Variants in DENND4A observed in about 807,000 individuals in gnomAD.
DENND4A encodes the protein DENN domain containing 4A.
Under a neutral mutation model 199.3 loss-of-function variants are expected in DENND4A, and 70 were observed. The ratio of observed to expected loss-of-function variants is 0.35; its 90% CI spans 0.29 to 0.43. The LOEUF (loss-of-function observed/expected upper bound fraction) is 0.43, where lower values mean the gene tolerates loss of function less well. Among genes scored for constraint, DENND4A ranks in the 20% least tolerant of loss-of-function variants. The pLI is 1.00. For missense variants in DENND4A, 1,723 were observed against 2,255.8 expected (o/e 0.76, Z 4.78); for synonymous variants, 686 against 766.9 (o/e 0.89, Z 1.74).
rs942989875 is a variant in DENND4A at position 65,701,910 on chromosome 15, T to C, written c.2431-20A>G. On this transcript the variant is annotated intron_variant, in intron 17 of 32. Transcript: ENST00000443035. ...GCATACCTGAAATACAAGTTCAAAA[T>C]TGTACCGAAACACAGATGTCACCAT... 6 of 1,613,282 alleles carry C rather than the reference T, an allele frequency of 3.7e-6. No homozygotes were observed. The highest frequency in any genetic ancestry group is 5.1e-6 in the Non-Finnish European group (6 of 1,179,480).
intron 11 of DENND4A, among the ~76,000 whole-genome samples, chr15:65,726,939 C>T (rs1187602262): frequency 1.3e-5 from 2 of 151,980 alleles, no homozygotes; most frequent in Non-Finnish European, 2.9e-5. Flanking sequence ...GCCTGGGCAA[C>T]AGAACGAGAC....
chr15:65,661,825 T>G lies in DENND4A; in HGVS notation c.*26A>C. 1 of 1,575,952 alleles carries G rather than the reference T, an allele frequency of 6.3e-7. No homozygotes were observed. The highest frequency in any genetic ancestry group is 1.2e-5 in the South Asian group (1 of 86,530). On this transcript the variant is annotated 3_prime_UTR_variant, in exon 33 of 33. Coordinates refer to ENST00000443035, the MANE Select transcript of DENND4A (RefSeq NM_001320835.1). ...TATACACTGACTATACAATATACAT[T>G]GAATGTTTACACATACAAATACATC...
At chr15:65,696,066 T>C (rs2077135354) in intron 22 of DENND4A, among the ~76,000 whole-genome samples, 1 of 152,128 alleles carries the variant, frequency 6.6e-6, no homozygotes, top group African/African-American at 2.4e-5. Flanking sequence ...AGGTGTATGG[T>C]ACCCTCAGAC....
At chr15:65,705,958 G>A in intron 15 of DENND4A, 133 bp downstream of exon 15, 1 of 1,320,954 alleles carries the variant, frequency 7.6e-7, no homozygotes. Context: ...TGTGGGATAA[G>A]CTTGCTTACC....
At chr15:65,771,249 G>C in intron 1 of DENND4A, 1 of 1,595,516 alleles carries the variant, frequency 6.3e-7, no homozygotes, top group Non-Finnish European at 8.6e-7. Context: ...GACTTCCTTC[G>C]GAGTCGATCA....
intron 7 of DENND4A, 150 bp downstream of exon 7, chr15:65,737,557 G>A (rs2076150551): frequency 1.4e-6 from 1 of 710,690 alleles, no homozygotes; most frequent in Non-Finnish European, 2.3e-6. Context: ...AACATACAAT[G>A]GAGAAATACT....
chr15:65,740,245 T>C (rs1009817318), intron 5 of DENND4A, among the ~76,000 whole-genome samples: 3 of 150,042 alleles, frequency 2.0e-5, no homozygotes, highest in Admixed American at 6.6e-5. Context: ...TATCCACAAA[T>C]TAGGCCTAGG....
At chr15:65,754,273 CT>C (rs1444021884) in intron 3 of DENND4A, among the ~76,000 whole-genome samples, 10 of 152,162 alleles carry the variant, frequency 6.6e-5, no homozygotes, top group African/African-American at 2.4e-4. Context: ...CTAATGTTAG[CT>C]TAAGTGCTTA....
intron 12 of DENND4A, among the ~76,000 whole-genome samples, chr15:65,720,231 T>C (rs1004244433): frequency 8.5e-5 from 13 of 152,146 alleles, no homozygotes; most frequent in African/African-American, 3.1e-4. Flanking sequence ...AGGAAATACA[T>C]TCTATTCAAA....
chr15:65,783,942 CA>C (rs2077499927), intron 1 of DENND4A, among the ~76,000 whole-genome samples: 1 of 151,964 alleles, frequency 6.6e-6, no homozygotes, highest in Non-Finnish European at 1.5e-5. Flanking sequence ...GACTTGTTTC[CA>C]AAAAGACGAG....
intron 23 of DENND4A, among the ~76,000 whole-genome samples, chr15:65,689,873 C>T (rs1283944925): frequency 6.6e-6 from 1 of 152,136 alleles, no homozygotes; most frequent in Admixed American, 6.6e-5. Flanking sequence ...TGAGCAAATC[C>T]CCTCAGGGAG....
chr15:65,694,518 C>G (rs948912183), intron 22 of DENND4A, among the ~76,000 whole-genome samples: 2 of 151,856 alleles, frequency 1.3e-5, no homozygotes, highest in African/African-American at 4.8e-5. Flanking sequence ...TAAAACATAT[C>G]TTTGTTTATT....
intron 19 of DENND4A, 128 bp from the exon 20 acceptor site, chr15:65,700,803 A>C (rs1291179086): frequency 1.8e-5 from 19 of 1,050,442 alleles, no homozygotes; most frequent in Non-Finnish European, 2.2e-5. Context: ...GCAAAATACA[A>C]CTATAACAAA....
rs187409225 is a variant in DENND4A, at chr15:65,762,946, T to C, written c.-101-1508A>G. ...CAAATCTCACCAAGGAACCAAATTCTTCTGAACAAGAGAATAAGCAATGTC... is the reference window on the plus strand; with the variant it reads ...CAAATCTCACCAAGGAACCAAATTCCTCTGAACAAGAGAATAAGCAATGTC... On this transcript the variant is annotated intron_variant, in intron 1 of 32. Coordinates refer to ENST00000443035, the MANE Select transcript of DENND4A (RefSeq NM_001320835.1). Among the ~76,000 whole-genome samples, 92 of 152,294 alleles carry C rather than the reference T, an allele frequency of 6.0e-4. 1 individual carries two copies. The highest frequency in any genetic ancestry group is 2.1e-3 in the African/African-American group (88 of 41,558).
chr15:65,697,843 A>C (rs2077200414), intron 20 of DENND4A, among the ~76,000 whole-genome samples: 1 of 152,242 alleles, frequency 6.6e-6, no homozygotes, highest in African/African-American at 2.4e-5. Flanking sequence ...ATTTCTTCAA[A>C]TTTATTGATG....
intron 1 of DENND4A, among the ~76,000 whole-genome samples, chr15:65,769,948 T>C (rs1443422391): frequency 6.7e-6 from 1 of 148,368 alleles, no homozygotes; most frequent in Non-Finnish European, 1.5e-5. Context: ...TTTCCAGCTG[T>C]TTTTTTTTTC....
chr15:65,694,995 A>G (rs2077094852), intron 22 of DENND4A, among the ~76,000 whole-genome samples: 2 of 152,224 alleles, frequency 1.3e-5, no homozygotes, highest in Admixed American at 1.3e-4. Flanking sequence ...ATGAAAGAAC[A>G]ATAAAATAAA....
chr15:65,694,217 G>A (rs2077065401), intron 22 of DENND4A, among the ~76,000 whole-genome samples: 1 of 152,200 alleles, frequency 6.6e-6, no homozygotes, highest in African/African-American at 2.4e-5. Context: ...GGAAGGCCAA[G>A]GCAGGTAGAT....
chr15:65,726,824 C>T (rs1160306941), intron 11 of DENND4A, among the ~76,000 whole-genome samples: 1 of 152,076 alleles, frequency 6.6e-6, no homozygotes, highest in African/African-American at 2.4e-5. Flanking sequence ...GGTGTGGTGG[C>T]ACACACCTGT....
Sources: gnomAD v4.1 joint callset for allele counts (sites outside exome capture counted in the v4.1 genomes callset) on GRCh38, gnomAD v4.1.1 for gene constraint, MANE v1.5 for transcripts, NCBI Gene and HGNC (gene_info 2026-07-23, HGNC 2026-07-21) for gene names.